GRIP1: variants seen among roughly 807,000 people sequenced by gnomAD.
GRIP1 encodes glutamate receptor interacting protein 1.
GRIP1 carries 45 observed loss-of-function variants against 129.9 expected under a neutral mutation model. The ratio of observed to expected loss-of-function variants is 0.35; its 90% CI spans 0.27 to 0.44. GRIP1 has a LOEUF of 0.44. GRIP1 is among the 20% of genes least tolerant of loss of function. The probability of loss-of-function intolerance (pLI) is 1.00; values close to 1 mark genes in which losing one functional copy is unlikely to be tolerated. For synonymous variants in GRIP1, 530 were observed against 520.8 expected, an observed-to-expected ratio of 1.02 and a Z score of -0.24; for missense variants, 1,196 against 1,396.8, an observed-to-expected ratio of 0.86 and a Z score of 2.29.
At chr12:66,466,064 T>C (rs1471037355) in intron 7 of GRIP1, among the ~76,000 whole-genome samples, 1 of 152,222 alleles carries the variant, frequency 6.6e-6, no homozygotes, top group Non-Finnish European at 1.5e-5. Flanking sequence ...TTTGTAAAGC[T>C]TAACTTCATA....
intron 1 of GRIP1, among the ~76,000 whole-genome samples, chr12:66,935,227 T>C (rs898423444): frequency 3.3e-5 from 5 of 152,174 alleles, no homozygotes; most frequent in African/African-American, 1.2e-4. Context: ...TTTAAGTTTC[T>C]GTTTGTTGTA....
intron 1 of GRIP1, among the ~76,000 whole-genome samples, chr12:66,889,538 T>G (rs1368793877): frequency 6.6e-6 from 1 of 152,228 alleles, no homozygotes; most frequent in Non-Finnish European, 1.5e-5. Context: ...TAAGGTTATA[T>G]ATGTTGAATA....
intron 1 of GRIP1, among the ~76,000 whole-genome samples, chr12:66,640,347 A>G (rs4489824): frequency 0.2 from 29,981 of 152,160 alleles, 3,080 homozygotes; most frequent in Non-Finnish European, 0.23. Context: ...GCAATTTGTC[A>G]GTTCAACATC....
intron 1 of GRIP1, among the ~76,000 whole-genome samples, chr12:66,701,596 C>T (rs569819635): frequency 1.3e-5 from 2 of 152,270 alleles, no homozygotes; most frequent in East Asian, 3.9e-4. Context: ...TCTACCTTCA[C>T]CACTTTTTTC....
intron 1 of GRIP1, among the ~76,000 whole-genome samples, chr12:66,846,382 G>A (rs58979102): frequency 0.016 from 2,479 of 152,162 alleles, 70 homozygotes; most frequent in African/African-American, 0.055. Flanking sequence ...AGAAATATGA[G>A]TCATCTTCAT....
At chr12:66,641,018 A>G (rs11176356) in intron 1 of GRIP1, among the ~76,000 whole-genome samples, 29,812 of 152,240 alleles carry the variant, frequency 0.2, 3,061 homozygotes, top group Non-Finnish European at 0.23. Context: ...AAATTTCTGC[A>G]CAAATTTCTA....
At chr12:67,011,187 C>G (rs1456391294) in intron 1 of GRIP1, among the ~76,000 whole-genome samples, 1 of 152,138 alleles carries the variant, frequency 6.6e-6, no homozygotes, top group African/African-American at 2.4e-5. Flanking sequence ...AATCCTGCTT[C>G]TCCTCCGGAG....
chr12:67,005,919 CTT>C (rs2042619124), intron 1 of GRIP1, among the ~76,000 whole-genome samples: 1 of 152,188 alleles, frequency 6.6e-6, no homozygotes, highest in South Asian at 2.1e-4. Context: ...AAATAAGACT[CTT>C]TGACCAAGTA....
At chr12:66,666,272 T>C (rs2033790740) in intron 1 of GRIP1, among the ~76,000 whole-genome samples, 1 of 152,166 alleles carries the variant, frequency 6.6e-6, no homozygotes, top group African/African-American at 2.4e-5. Flanking sequence ...AAGCAGGAGA[T>C]GCATTCTATG....
intron 1 of GRIP1, among the ~76,000 whole-genome samples, chr12:66,800,116 C>A (rs1440703954): frequency 6.6e-6 from 1 of 152,092 alleles, no homozygotes; most frequent in Non-Finnish European, 1.5e-5. Flanking sequence ...AATAGGCAAA[C>A]AACAACAACA....
At chr12:66,462,694 C>T (rs148788000) in intron 9 of GRIP1, among the ~76,000 whole-genome samples, 23 of 148,160 alleles carry the variant, frequency 1.6e-4, no homozygotes, top group South Asian at 6.5e-4. Flanking sequence ...CCCAGCTACT[C>T]GGGAGGCTGA....
intron 1 of GRIP1, among the ~76,000 whole-genome samples, chr12:66,906,056 ACTAT>A (rs2040926806): frequency 6.6e-6 from 1 of 152,202 alleles, no homozygotes. Context: ...ATCTGACTGG[ACTAT>A]CTAGGCACGC....
intron 1 of GRIP1, among the ~76,000 whole-genome samples, chr12:66,700,980 G>A (rs1384192008): frequency 6.6e-6 from 1 of 152,152 alleles, no homozygotes; most frequent in Non-Finnish European, 1.5e-5. Context: ...CTAACCTCAT[G>A]AGACAGGCTA....
chr12:67,040,261 G>C (rs1187235379), intron 1 of GRIP1, among the ~76,000 whole-genome samples: 1 of 151,614 alleles, frequency 6.6e-6, no homozygotes, highest in East Asian at 1.9e-4. Flanking sequence ...GGCATCGTGT[G>C]GGCAGGTCCT....
intron 1 of GRIP1, among the ~76,000 whole-genome samples, chr12:66,880,402 T>C: frequency 6.6e-6 from 1 of 151,988 alleles, no homozygotes; most frequent in Admixed American, 6.6e-5. Flanking sequence ...AAATGGAGGA[T>C]GTAGTAGAGG....
At chr12:66,425,401 A>G (rs953977295) in intron 14 of GRIP1, among the ~76,000 whole-genome samples, 8 of 152,188 alleles carry the variant, frequency 5.3e-5, no homozygotes, top group East Asian at 1.9e-4. Flanking sequence ...CAACCATTGT[A>G]GAAGATAGTG....
chr12:66,556,311 C>A (rs917160811), intron 2 of GRIP1, among the ~76,000 whole-genome samples: 1 of 151,956 alleles, frequency 6.6e-6, no homozygotes, highest in African/African-American at 2.4e-5. Context: ...CTTTTATCCT[C>A]GAATAGTATA....
intron 1 of GRIP1, among the ~76,000 whole-genome samples, chr12:67,049,481 T>C (rs2043306662): frequency 6.6e-6 from 1 of 152,128 alleles, no homozygotes; most frequent in African/African-American, 2.4e-5. Context: ...AAACACCGCG[T>C]GTTCCCACTC....
chr12:67,006,397 C>G (rs2042627023), intron 1 of GRIP1, among the ~76,000 whole-genome samples: 1 of 151,972 alleles, frequency 6.6e-6, no homozygotes, highest in Admixed American at 6.6e-5. Context: ...AGACCCGTCT[C>G]TACAAAAAAT....
Sources: gnomAD v4.1 joint callset for allele counts (sites outside exome capture counted in the v4.1 genomes callset) on GRCh38, gnomAD v4.1.1 for gene constraint, MANE v1.5 for transcripts, NCBI Gene and HGNC (gene_info 2026-07-23, HGNC 2026-07-21) for gene names.